Variants in SAMD12 observed in about 807,000 individuals in gnomAD.
The protein encoded by SAMD12 is sterile alpha motif domain containing 12.
SAMD12 carries 9 observed loss-of-function variants against 15.0 expected under a neutral mutation model. The ratio of observed to expected loss-of-function variants is 0.60; its 90% CI spans 0.36 to 1.05. SAMD12 has a LOEUF of 1.05. Among genes scored for constraint, SAMD12 ranks in the 50% least tolerant of loss-of-function variants. The probability of loss-of-function intolerance (pLI) is 0.01; values close to 1 mark genes in which losing one functional copy is unlikely to be tolerated. For synonymous variants in SAMD12, 86 were observed against 90.1 expected (o/e 0.96, Z 0.25); for missense variants, 230 against 234.2 (o/e 0.98, Z 0.12).
At chr8:118,551,401 C>G (rs1321916189) in intron 2 of SAMD12, among the ~76,000 whole-genome samples, 1 of 151,868 alleles carries the variant, frequency 6.6e-6, no homozygotes, top group South Asian at 2.1e-4. Flanking sequence ...TACATGGAAA[C>G]TGAACAACCT....
At chr8:118,348,081 T>A (rs1038926112) in intron 4 of SAMD12, among the ~76,000 whole-genome samples, 1 of 152,170 alleles carries the variant, frequency 6.6e-6, no homozygotes, top group Non-Finnish European at 1.5e-5. Flanking sequence ...TCATTTTTAT[T>A]TTTTATATTT....
At position 118,435,215 on chromosome 8, in the gene SAMD12, T is replaced by A. The variant is rs570263937; in HGVS notation, c.322+4617A>T. On this transcript the variant is annotated intron_variant, in intron 3 of 3. Coordinates refer to ENST00000314727, the MANE Select transcript of SAMD12 (RefSeq NM_207506.3). ...AGTTTCAGTTACCTGTGGTCAATTGTGGTCTGAAAAGTAGATGAGTACAGT... is the reference window on the plus strand; with the variant it reads ...AGTTTCAGTTACCTGTGGTCAATTGAGGTCTGAAAAGTAGATGAGTACAGT... Among the ~76,000 whole-genome samples the A allele has an allele frequency of 4.6e-5, 7 of 152,286 alleles. No homozygotes were observed. In the South Asian group the frequency reaches 1.4e-3, roughly 32 times the overall value.
the SAMD12 span, among the ~76,000 whole-genome samples, chr8:118,145,490 G>A: frequency 2.0e-5 from 3 of 152,296 alleles, no homozygotes; most frequent in South Asian, 6.2e-4. Context: ...CCTACTGTGT[G>A]TTGTTCTGGG....
At chr8:118,138,706 G>T in the SAMD12 span, among the ~76,000 whole-genome samples, 5,446 of 152,286 alleles carry the variant, frequency 0.036, 194 homozygotes, top group Admixed American at 0.1. Flanking sequence ...AAAATAAGTG[G>T]TTACAAAATA....
intron 2 of SAMD12, among the ~76,000 whole-genome samples, chr8:118,549,055 T>C (rs1381870963): frequency 6.6e-6 from 1 of 152,186 alleles, no homozygotes; most frequent in Non-Finnish European, 1.5e-5. Flanking sequence ...CCACCACAGC[T>C]CAAGGAGGCC....
chr8:118,545,752 G>A (rs7015718), intron 2 of SAMD12, among the ~76,000 whole-genome samples: 13,629 of 152,150 alleles, frequency 0.09, 768 homozygotes, highest in African/African-American at 0.15. Context: ...TCCCAATTTC[G>A]GAAATGTTAA....
chr8:118,176,689 C>G, the SAMD12 span, among the ~76,000 whole-genome samples: 3 of 152,024 alleles, frequency 2.0e-5, no homozygotes, highest in African/African-American at 7.3e-5. Context: ...GAAAAACTAC[C>G]CATCCTATTG....
chr8:118,383,280 G>A (rs1315578754), intron 3 of SAMD12, among the ~76,000 whole-genome samples: 1 of 152,112 alleles, frequency 6.6e-6, no homozygotes, highest in Non-Finnish European at 1.5e-5. Context: ...TGACAAGGAA[G>A]GTAGCTCATG....
intron 3 of SAMD12, among the ~76,000 whole-genome samples, chr8:118,436,172 T>C (rs1822570780): frequency 6.6e-6 from 1 of 152,230 alleles, no homozygotes; most frequent in Non-Finnish European, 1.5e-5. Context: ...CTGACTATCT[T>C]ACTTACCACT....
intron 4 of SAMD12, among the ~76,000 whole-genome samples, chr8:118,254,843 A>G (rs892930558): frequency 3.3e-5 from 5 of 151,484 alleles, no homozygotes; most frequent in African/African-American, 9.7e-5. Context: ...TCCCACATTG[A>G]TTTCACCTCT....
chr8:118,549,008 T>TAA (rs1826231403), intron 2 of SAMD12, among the ~76,000 whole-genome samples: 1 of 152,146 alleles, frequency 6.6e-6, no homozygotes, highest in Non-Finnish European at 1.5e-5. Flanking sequence ...CTTGCTTAGG[T>TAA]AAACGAAGCA....
chr8:118,330,692 T>C (rs1022227827), intron 4 of SAMD12, among the ~76,000 whole-genome samples: 2 of 152,072 alleles, frequency 1.3e-5, no homozygotes, highest in Non-Finnish European at 2.9e-5. Flanking sequence ...GGAATATAAG[T>C]AAGCAAATAA....
chr8:118,433,099 G>A (rs1336979826), intron 3 of SAMD12, among the ~76,000 whole-genome samples: 1 of 152,184 alleles, frequency 6.6e-6, no homozygotes, highest in Non-Finnish European at 1.5e-5. Context: ...CTATTCCCTT[G>A]TGGAGGGACT....
At chr8:118,261,513 G>A (rs1485349931) in intron 4 of SAMD12, among the ~76,000 whole-genome samples, 3 of 151,988 alleles carry the variant, frequency 2.0e-5, no homozygotes, top group Non-Finnish European at 2.9e-5. Context: ...TTAAATGATC[G>A]TCAGACTCAA....
chr8:118,363,135 TAAG>T, intron 4 of SAMD12, among the ~76,000 whole-genome samples: 1 of 152,270 alleles, frequency 6.6e-6, no homozygotes, highest in Non-Finnish European at 1.5e-5. Flanking sequence ...ATTTTTGAAA[TAAG>T]AAATACTTCA....
intron 1 of SAMD12, among the ~76,000 whole-genome samples, chr8:118,608,976 A>C (rs980501419): frequency 7.2e-5 from 11 of 152,248 alleles, no homozygotes; most frequent in African/African-American, 2.7e-4. Context: ...AACAGGAGTT[A>C]TATTCCCACA....
At chr8:118,470,347 G>A (rs2130962312) in intron 2 of SAMD12, among the ~76,000 whole-genome samples, 1 of 152,076 alleles carries the variant, frequency 6.6e-6, no homozygotes, top group African/African-American at 2.4e-5. Context: ...GGTGGCTTAG[G>A]TATTAGGTTG....
chr8:118,232,904 C>T (rs564262064), intron 4 of SAMD12, among the ~76,000 whole-genome samples: 114 of 152,170 alleles, frequency 7.5e-4, no homozygotes, highest in Non-Finnish European at 1.4e-3. Context: ...ACGGTACCAG[C>T]CCAATTCCAG....
chr8:118,516,638 CT>C (rs34734575), intron 2 of SAMD12, among the ~76,000 whole-genome samples: 131 of 139,818 alleles, frequency 9.4e-4, no homozygotes, highest in Admixed American at 8.5e-4. Context: ...TTCTTTCTTT[CT>C]TTTTTTTTTT....
Sources: allele counts gnomAD v4.1 joint callset (sites outside exome capture counted in the v4.1 genomes callset), GRCh38; gene constraint gnomAD v4.1.1; transcripts MANE v1.5; gene names NCBI Gene and HGNC (gene_info 2026-07-23, HGNC 2026-07-21).